Variants in MAGI2 observed in about 807,000 individuals in gnomAD.
The protein encoded by MAGI2 is membrane-associated guanylate kinase, WW and PDZ domain-containing protein 2.
A neutral mutation model predicts 133.3 loss-of-function variants in MAGI2; 35 were observed. The ratio of observed to expected loss-of-function variants is 0.26; its 90% CI spans 0.20 to 0.35. MAGI2 has a LOEUF of 0.35. Among genes scored for constraint, MAGI2 ranks in the 10% least tolerant of loss-of-function variants. The pLI is 1.00. For missense variants in MAGI2, 1,636 were observed against 1,863.4 expected (o/e 0.88, Z 2.25); for synonymous variants, 729 against 710.6 (o/e 1.03, Z -0.41).
intron 1 of MAGI2, among the ~76,000 whole-genome samples, chr7:79,147,126 G>A (rs183980538): frequency 2.6e-5 from 4 of 152,284 alleles, no homozygotes; most frequent in South Asian, 4.1e-4. Context: ...AACTAGAATC[G>A]CAGTGTCAAC....
chr7:78,082,574 T>C (rs1816101296), intron 20 of MAGI2, among the ~76,000 whole-genome samples: 1 of 152,180 alleles, frequency 6.6e-6, no homozygotes, highest in South Asian at 2.1e-4. Flanking sequence ...CATTCCAGGG[T>C]ATCAGTGCCA....
intron 2 of MAGI2, among the ~76,000 whole-genome samples, chr7:78,697,272 C>T (rs1191839908): frequency 6.6e-6 from 1 of 152,042 alleles, no homozygotes; most frequent in East Asian, 1.9e-4. Context: ...GAAATTTAAG[C>T]CTGTTGTTTA....
chr7:78,233,211 T>C (rs1296027178), intron 10 of MAGI2, among the ~76,000 whole-genome samples: 3 of 151,584 alleles, frequency 2.0e-5, no homozygotes, highest in African/African-American at 7.3e-5. Flanking sequence ...GGTTACAGAG[T>C]GATAAAACAA....
intron 3 of MAGI2, among the ~76,000 whole-genome samples, chr7:78,571,138 G>T (rs960603852): frequency 1.3e-5 from 2 of 152,134 alleles, no homozygotes. Context: ...TCCCTGGTGT[G>T]TATTGGAATT....
chr7:78,835,424 A>G (rs1791532159), intron 2 of MAGI2, among the ~76,000 whole-genome samples: 2 of 152,224 alleles, frequency 1.3e-5, no homozygotes, highest in South Asian at 4.1e-4. Flanking sequence ...CTGCAAGAAC[A>G]GAAGATAGAA....
At chr7:78,891,579 C>T (rs986818497) in intron 2 of MAGI2, among the ~76,000 whole-genome samples, 2 of 152,166 alleles carry the variant, frequency 1.3e-5, no homozygotes, top group Non-Finnish European at 2.9e-5. Flanking sequence ...TCAACATACA[C>T]AAATCAATAA....
intron 1 of MAGI2, among the ~76,000 whole-genome samples, chr7:79,075,774 T>C (rs1815410746): frequency 6.6e-6 from 1 of 151,864 alleles, no homozygotes; most frequent in Non-Finnish European, 1.5e-5. Flanking sequence ...AATAATATCA[T>C]TAAAAATCTT....
intron 3 of MAGI2, among the ~76,000 whole-genome samples, chr7:78,611,521 C>A (rs918830976): frequency 6.6e-6 from 1 of 152,160 alleles, no homozygotes; most frequent in Non-Finnish European, 1.5e-5. Context: ...AACTGGAGCA[C>A]TGAGACTTTT....
chr7:78,667,901 C>T (rs1257000557), intron 2 of MAGI2, among the ~76,000 whole-genome samples: 9 of 152,116 alleles, frequency 5.9e-5, no homozygotes, highest in Non-Finnish European at 1.3e-4. Context: ...TTTGGGTATA[C>T]ACCCAGTAAT....
intron 6 of MAGI2, among the ~76,000 whole-genome samples, chr7:78,468,329 C>T (rs112929077): frequency 7.2e-5 from 11 of 152,002 alleles, no homozygotes; most frequent in African/African-American, 2.4e-4. Flanking sequence ...ACTAACTAGT[C>T]CAGGCAGACA....
chr7:79,023,211 T>C (rs1002739414), intron 1 of MAGI2, among the ~76,000 whole-genome samples: 1 of 152,020 alleles, frequency 6.6e-6, no homozygotes, highest in African/African-American at 2.4e-5. Flanking sequence ...ATTCATCACA[T>C]AAACAGAACT....
chr7:79,288,266 T>C (rs1836179417), intron 1 of MAGI2, among the ~76,000 whole-genome samples: 1 of 152,096 alleles, frequency 6.6e-6, no homozygotes, highest in East Asian at 1.9e-4. Flanking sequence ...GGAATTATAA[T>C]AGTGTCTACC....
intron 2 of MAGI2, among the ~76,000 whole-genome samples, chr7:78,742,190 C>T (rs1173695082): frequency 6.6e-6 from 1 of 151,950 alleles, no homozygotes; most frequent in East Asian, 1.9e-4. Context: ...GACCAAAAGA[C>T]CTTTCCAAGG....
chr7:78,767,229 T>C (rs78155357), intron 2 of MAGI2, among the ~76,000 whole-genome samples: 2 of 152,068 alleles, frequency 1.3e-5, no homozygotes, highest in African/African-American at 4.8e-5. Flanking sequence ...AACCTTGTGA[T>C]CCGCCTGCCT....
At chr7:78,447,505 G>T (rs1788272987) in intron 6 of MAGI2, among the ~76,000 whole-genome samples, 2 of 152,114 alleles carry the variant, frequency 1.3e-5, no homozygotes, top group South Asian at 4.1e-4. Context: ...CCTGACACAT[G>T]ATAACTGTTC....
rs1323540324 is a variant in MAGI2 at position 78,266,738 on chromosome 7, A to G, written c.1409-10157T>C. 2.0e-5 allele frequency among the ~76,000 whole-genome samples: 3 copies of G among 151,358 alleles called. No individual in the cohort carries two copies. The East Asian group carries it at 5.9e-4, about 30-fold the overall frequency. ...GACTACAGGATCACGCCACTACACCAGGCTAATTTTTTTGTATTTTTAGTA... is the reference window on the plus strand; with the variant it reads ...GACTACAGGATCACGCCACTACACCGGGCTAATTTTTTTGTATTTTTAGTA... On this transcript the variant is annotated intron_variant, in intron 9 of 21. Transcript: ENST00000354212.
chr7:79,401,841 A>G (rs1585850237), intron 1 of MAGI2, among the ~76,000 whole-genome samples: 1 of 152,176 alleles, frequency 6.6e-6, no homozygotes, highest in Admixed American at 6.6e-5. Context: ...AGTTAAAGAT[A>G]TAAGAAAAGG....
intron 3 of MAGI2, among the ~76,000 whole-genome samples, chr7:78,548,682 T>C (rs1466642982): frequency 6.6e-6 from 1 of 151,906 alleles, no homozygotes; most frequent in African/African-American, 2.4e-5. Flanking sequence ...GTGACAAGAG[T>C]GAAACTCCGT....
chr7:79,320,749 A>G (rs1476053891), intron 1 of MAGI2, among the ~76,000 whole-genome samples: 2 of 152,116 alleles, frequency 1.3e-5, no homozygotes, highest in Non-Finnish European at 2.9e-5. Flanking sequence ...GTTGCAGGCC[A>G]AATATCATGT....
Sources: gnomAD v4.1 joint callset for allele counts (sites outside exome capture counted in the v4.1 genomes callset) on GRCh38, gnomAD v4.1.1 for gene constraint, MANE v1.5 for transcripts, NCBI Gene and HGNC (gene_info 2026-07-23, HGNC 2026-07-21) for gene names.